Variants in STAT3 observed in about 807,000 individuals in gnomAD.
STAT3 encodes the protein signal transducer and activator of transcription 3, also known as DNA-binding protein APRF.
In STAT3, 7 loss-of-function variants were observed where a neutral mutation model predicts 114.3. That is an observed-to-expected ratio of 0.06 (90% CI 0.03 to 0.11). The LOEUF is 0.11. STAT3 is among the 10% of genes least tolerant of loss of function. The probability of loss-of-function intolerance (pLI) is 1.00; values close to 1 mark genes in which losing one functional copy is unlikely to be tolerated. For missense variants in STAT3, 364 were observed against 960.9 expected, an observed-to-expected ratio of 0.38 and a Z score of 8.21; for synonymous variants, 331 against 354.5, an observed-to-expected ratio of 0.93 and a Z score of 0.74.
chr17:42,352,590 T>G (rs2083022188), intron 1 of STAT3, among the ~76,000 whole-genome samples: 1 of 150,768 alleles, frequency 6.6e-6, no homozygotes, highest in Non-Finnish European at 1.5e-5. Context: ...ACATGGAGGT[T>G]GCAGTGAGCC....
rs150431868 is a variant in STAT3, at chr17:42,380,470, C to T, written c.-24+7809G>A. On this transcript the variant is annotated intron_variant, in intron 1 of 23. Coordinates refer to ENST00000264657, the MANE Select transcript of STAT3 (RefSeq NM_139276.3). ...CACGATCTCGGTTCACCGCAACCTCCGCCTCCCGGGTTCAAGCGATTATCC... is the reference window on the plus strand; with the variant it reads ...CACGATCTCGGTTCACCGCAACCTCTGCCTCCCGGGTTCAAGCGATTATCC... Among the ~76,000 whole-genome samples the T allele has an allele frequency of 3.0e-3, 458 of 151,966 alleles. 3 individuals carry two copies. The highest frequency in any genetic ancestry group is 0.011 in the African/African-American group (439 of 41,420).
intron 21 of STAT3, chr17:42,317,462 G>T (rs745513989): frequency 8.4e-6 from 5 of 596,314 alleles, no homozygotes; most frequent in Non-Finnish European, 1.2e-5. Flanking sequence ...CTGAGCTGCA[G>T]AGACTTTTCA....
Position 42,313,756 on chromosome 17 carries a change from CAA to C in STAT3, c.*1987_*1988del, listed in dbSNP as rs1441260563. 1 of 232,858 alleles carries C rather than the reference CAA, an allele frequency of 4.3e-6. No homozygotes were observed. Among genetic ancestry groups the C allele is most frequent in the East Asian group, 6.0e-5 (1 of 16,622 alleles). The allele number at this position is 232,858 out of a possible 1,614,324, so 14.4% of individuals were successfully genotyped here. A position where few individuals can be genotyped will look rare whatever the true frequency, so the allele number is the denominator to read the frequency against. On this transcript the variant is annotated 3_prime_UTR_variant, in exon 24 of 24. Transcript: ENST00000264657. ...TATGATTTAAACCCAATGGTAAGCCCAAGTCTCACCTTTCTAAATATTCTGTT... is the reference window on the plus strand; with the variant it reads ...TATGATTTAAACCCAATGGTAAGCCCGTCTCACCTTTCTAAATATTCTGTT...
chr17:42,346,733 T>A lies in STAT3; in HGVS notation c.129-20A>T. 6.2e-7 allele frequency: 1 copy of A among 1,613,962 alleles called. No homozygotes were observed. The highest frequency in any genetic ancestry group is 8.5e-7 in the Non-Finnish European group (1 of 1,179,992). On this transcript the variant is annotated intron_variant, in intron 2 of 23. Transcript: ENST00000264657. Reference sequence around the variant, plus strand: ...TATGCCCTAGGAAAAGGAAGAATGATAAAGAATGGCTCTGAAGCCGACGCA... The same window carrying A: ...TATGCCCTAGGAAAAGGAAGAATGAAAAAGAATGGCTCTGAAGCCGACGCA...
At chr17:42,354,134 G>A (rs2083105154) in intron 1 of STAT3, among the ~76,000 whole-genome samples, 1 of 151,146 alleles carries the variant, frequency 6.6e-6, no homozygotes, top group African/African-American at 2.4e-5. Flanking sequence ...TTTAGCTGGG[G>A]ACAGAGGAGG....
intron 21 of STAT3, chr17:42,317,606 T>C (rs1301271849): frequency 3.2e-6 from 1 of 312,150 alleles, no homozygotes; most frequent in Non-Finnish European, 6.2e-6. Flanking sequence ...CTTAGATAAC[T>C]TCTCTGCATG....
chr17:42,353,156 T>C (rs2083051435), intron 1 of STAT3, among the ~76,000 whole-genome samples: 2 of 152,126 alleles, frequency 1.3e-5, no homozygotes, highest in African/African-American at 2.4e-5. Flanking sequence ...GAGACCAGAC[T>C]GGCCAACATG....
At chr17:42,371,842 A>T (rs949045203) in intron 1 of STAT3, among the ~76,000 whole-genome samples, 4 of 147,214 alleles carry the variant, frequency 2.7e-5, no homozygotes, top group Non-Finnish European at 4.5e-5. Context: ...AATTAGCAGA[A>T]CATGGTGGCG....
intron 1 of STAT3, among the ~76,000 whole-genome samples, chr17:42,359,017 G>A (rs1397143638): frequency 7.2e-6 from 1 of 139,646 alleles, no homozygotes; most frequent in Non-Finnish European, 1.5e-5. Flanking sequence ...CTCACTGCAA[G>A]CTCTGCCTCC....
At chr17:42,341,007 C>T (rs2082423252) in intron 4 of STAT3, among the ~76,000 whole-genome samples, 1 of 152,124 alleles carries the variant, frequency 6.6e-6, no homozygotes, top group African/African-American at 2.4e-5. Flanking sequence ...AGTCTCTCTA[C>T]CCCAAGATCT....
intron 1 of STAT3, among the ~76,000 whole-genome samples, chr17:42,380,249 C>G (rs1026783971): frequency 2.6e-5 from 4 of 151,922 alleles, no homozygotes; most frequent in African/African-American, 9.7e-5. Flanking sequence ...GTTGGGCAGG[C>G]TGGTCTTGAA....
At chr17:42,330,125 T>C (rs1331507115) in intron 11 of STAT3, among the ~76,000 whole-genome samples, 2 of 151,636 alleles carry the variant, frequency 1.3e-5, no homozygotes, top group African/African-American at 4.8e-5. Context: ...CTTTTTTCTT[T>C]TTTTTTTTTT....
intron 1 of STAT3, among the ~76,000 whole-genome samples, chr17:42,380,397 T>G (rs1276462719): frequency 6.9e-6 from 1 of 145,744 alleles, no homozygotes; most frequent in Non-Finnish European, 1.5e-5. Context: ...GTTTTTCGGT[T>G]TTTTTGAGAC....
intron 8 of STAT3, among the ~76,000 whole-genome samples, chr17:42,335,950 AAGAC>A (rs2082212609): frequency 6.6e-6 from 1 of 152,056 alleles, no homozygotes; most frequent in African/African-American, 2.4e-5. Context: ...AAAGACCAGA[AAGAC>A]AGAAAGTGAA....
intron 21 of STAT3, among the ~76,000 whole-genome samples, chr17:42,322,055 C>CTCAT (rs774418722): frequency 5.9e-5 from 9 of 152,136 alleles, no homozygotes; most frequent in Non-Finnish European, 1.0e-4. Context: ...CCTCTTTAGA[C>CTCAT]TCATGCACTC....
chr17:42,319,678 T>C (rs186961096), intron 21 of STAT3, among the ~76,000 whole-genome samples: 2 of 151,838 alleles, frequency 1.3e-5, no homozygotes, highest in East Asian at 3.9e-4. Flanking sequence ...AAATGCTATG[T>C]GGGCTTCCAG....
intron 1 of STAT3, among the ~76,000 whole-genome samples, chr17:42,370,479 C>T (rs1434702214): frequency 1.3e-5 from 2 of 151,576 alleles, no homozygotes; most frequent in African/African-American, 2.4e-5. Context: ...TTCCTGACCT[C>T]GGGTGATCTG....
intron 1 of STAT3, among the ~76,000 whole-genome samples, chr17:42,353,546 T>C (rs2083080860): frequency 6.6e-6 from 1 of 152,176 alleles, no homozygotes; most frequent in Non-Finnish European, 1.5e-5. Flanking sequence ...CTTTTTGTAA[T>C]AAACTCCAGT....
chr17:42,368,219 A>G (rs1021812836), intron 1 of STAT3, among the ~76,000 whole-genome samples: 3 of 152,282 alleles, frequency 2.0e-5, no homozygotes, highest in South Asian at 4.1e-4. Context: ...AAAAATAAAT[A>G]AACAAAAGGC....
Sources: gnomAD v4.1 joint callset for allele counts (sites outside exome capture counted in the v4.1 genomes callset) on GRCh38, gnomAD v4.1.1 for gene constraint, MANE v1.5 for transcripts, NCBI Gene and HGNC (gene_info 2026-07-23, HGNC 2026-07-21) for gene names.